Variants in MACF1 observed in about 807,000 individuals in gnomAD.
MACF1 encodes microtubule-actin cross-linking factor 1.
In MACF1, 193 loss-of-function variants were observed where a neutral mutation model predicts 854.8. The ratio of observed to expected loss-of-function variants is 0.23; its 90% CI spans 0.20 to 0.25. The LOEUF is 0.25. Among genes scored for constraint, MACF1 ranks in the 10% least tolerant of loss-of-function variants. The probability of loss-of-function intolerance (pLI) is 1.00; values close to 1 mark genes in which losing one functional copy is unlikely to be tolerated. For synonymous variants in MACF1, 3,185 were observed against 3,226.7 expected (o/e 0.99, Z 0.44); for missense variants, 7,722 against 8,929.1 (o/e 0.86, Z 5.45).
chr1:39,163,537 G>A lies in MACF1; in HGVS notation c.221-67645G>A, dbSNP rs576599639. On this transcript the variant is annotated intron_variant, in intron 2 of 93. Transcript: ENST00000361689. Reference sequence around the variant, plus strand: ...GTCTGTAGGTAGTTCCAGATGAGGGGTTCCAGGTATTTTGAACAGCAACAG... The same window carrying A: ...GTCTGTAGGTAGTTCCAGATGAGGGATTCCAGGTATTTTGAACAGCAACAG... 7.2e-5 allele frequency among the ~76,000 whole-genome samples: 11 copies of A among 152,214 alleles called. No individual in the cohort carries two copies. The East Asian group carries it at 1.3e-3, about 19-fold the overall frequency.
At chr1:39,406,756 A>AAACAAAAAAAAAAAAAAAAC (rs1642727882) in intron 58 of MACF1, among the ~76,000 whole-genome samples, 1 of 116,058 alleles carries the variant, frequency 8.6e-6, no homozygotes, top group African/African-American at 3.8e-5. Flanking sequence ...AAAAAAAAAA[A>AAACAAAAAAAAAAAAAAAAC]AACATTCTTT....
At chr1:39,152,295 A>G (rs918306651) in intron 2 of MACF1, among the ~76,000 whole-genome samples, 5 of 152,224 alleles carry the variant, frequency 3.3e-5, no homozygotes, top group African/African-American at 1.2e-4. Context: ...ATCTTTAGGT[A>G]AAATTCTTAA....
chr1:39,306,636 A>T (rs1486181370), intron 23 of MACF1, among the ~76,000 whole-genome samples: 2 of 127,036 alleles, frequency 1.6e-5, no homozygotes, highest in East Asian at 2.2e-4. Flanking sequence ...TTTAGTCCGG[A>T]CCTGTTCTGT....
At chr1:39,117,151 A>G (rs1345320498) in intron 2 of MACF1, among the ~76,000 whole-genome samples, 1 of 152,182 alleles carries the variant, frequency 6.6e-6, no homozygotes, top group East Asian at 1.9e-4. Context: ...ACCACCTTTC[A>G]GATGTGATAG....
chr1:39,260,357 T>TTTTGA (rs1645147885), intron 6 of MACF1: 2 of 151,944 alleles, frequency 1.3e-5, no homozygotes, highest in African/African-American at 4.8e-5. Flanking sequence ...TATTTCTTTC[T>TTTTGA]TTTTCTTTTC....
chr1:39,136,438 G>T (rs552890853), intron 2 of MACF1, among the ~76,000 whole-genome samples: 2 of 152,204 alleles, frequency 1.3e-5, no homozygotes, highest in Non-Finnish European at 2.9e-5. Flanking sequence ...TCCAACTGTG[G>T]ATTCTCCTGT....
chr1:39,166,784 A>G (rs566616294), intron 2 of MACF1, among the ~76,000 whole-genome samples: 1 of 151,866 alleles, frequency 6.6e-6, no homozygotes, highest in East Asian at 2.0e-4. Context: ...GGAATGACAT[A>G]AACAACTAGG....
intron 1 of MACF1, among the ~76,000 whole-genome samples, chr1:39,227,952 T>G (rs1644734907): frequency 6.6e-6 from 1 of 152,286 alleles, no homozygotes; most frequent in East Asian, 1.9e-4. Context: ...AGGCTTAACC[T>G]CTTATGTTCA....
chr1:39,293,736 G>A (rs1645842606), intron 18 of MACF1, 117 bp downstream of exon 18: 1 of 925,888 alleles, frequency 1.1e-6, no homozygotes, highest in South Asian at 2.0e-5. Context: ...ATAGAAATAG[G>A]GGCCCTACTC....
At chr1:39,201,000 C>G (rs570158822), upstream of MACF1, among the ~76,000 whole-genome samples, 212 of 152,274 alleles carry the variant, frequency 1.4e-3, 1 homozygote, top group African/African-American at 4.9e-3. Flanking sequence ...CCCTGCCCCC[C>G]CAAAAAACAG....
chr1:39,436,573 A>ACAGGT, intron 70 of MACF1: 1 of 1,301,802 alleles, frequency 7.7e-7, no homozygotes, highest in Non-Finnish European at 1.1e-6. Flanking sequence ...AATTTCCCTT[A>ACAGGT]ACTTTAGTGG....
At chr1:39,230,331 T>A (rs1644763878) in intron 1 of MACF1, among the ~76,000 whole-genome samples, 1 of 152,058 alleles carries the variant, frequency 6.6e-6, no homozygotes, top group Admixed American at 6.5e-5. Context: ...CGGGGAAGGC[T>A]AAGGTAGATT....
intron 58 of MACF1, among the ~76,000 whole-genome samples, chr1:39,399,940 C>T (rs114817463): frequency 8.3e-4 from 127 of 152,276 alleles, no homozygotes; most frequent in African/African-American, 3.0e-3. Context: ...CTCTAGGATT[C>T]AAAATGCTAT....
intron 2 of MACF1, among the ~76,000 whole-genome samples, chr1:39,104,704 G>T (rs1029229752): frequency 6.6e-6 from 1 of 152,090 alleles, no homozygotes; most frequent in Non-Finnish European, 1.5e-5. Context: ...CCTTGGCCTG[G>T]TTTACTTCAT....
At chr1:39,190,003 A>G (rs7542506) in intron 2 of MACF1, among the ~76,000 whole-genome samples, 4,581 of 152,340 alleles carry the variant, frequency 0.03, 233 homozygotes, top group African/African-American at 0.1. Context: ...TTTATGAATG[A>G]GTAAACAGAT....
At chr1:39,310,121 T>C (rs1646271193) in intron 24 of MACF1, 124 bp from the exon 25 acceptor site, 2 of 813,312 alleles carry the variant, frequency 2.5e-6, no homozygotes, top group Admixed American at 3.0e-5. Context: ...ATTATAAAAA[T>C]CAACATGTTT....
chr1:39,184,509 A>G (rs1644142569), intron 2 of MACF1, among the ~76,000 whole-genome samples: 1 of 152,118 alleles, frequency 6.6e-6, no homozygotes, highest in Non-Finnish European at 1.5e-5. Context: ...CTCAAAGCCC[A>G]GTTAAGTCTT....
chr1:39,308,175 A>T (rs949381853), intron 23 of MACF1, among the ~76,000 whole-genome samples: 1 of 152,052 alleles, frequency 6.6e-6, no homozygotes, highest in Non-Finnish European at 1.5e-5. Flanking sequence ...AAGTGCTGGG[A>T]TTACAGGCGT....
chr1:39,443,899 G>A (rs1644169855), intron 79 of MACF1, among the ~76,000 whole-genome samples: 1 of 152,164 alleles, frequency 6.6e-6, no homozygotes, highest in Non-Finnish European at 1.5e-5. Flanking sequence ...TACTTAAGGG[G>A]GGTTTAGGGA....
Sources: allele counts gnomAD v4.1 joint callset (sites outside exome capture counted in the v4.1 genomes callset), GRCh38; gene constraint gnomAD v4.1.1; transcripts MANE v1.5; gene names NCBI Gene and HGNC (gene_info 2026-07-23, HGNC 2026-07-21).